FAM181A: variants seen among roughly 807,000 people sequenced by gnomAD.
The protein encoded by FAM181A is family with sequence similarity 181 member A.
Under a neutral mutation model 16.3 loss-of-function variants are expected in FAM181A, and 7 were observed. That is an observed-to-expected ratio of 0.43 (90% CI 0.24 to 0.81). The LOEUF (loss-of-function observed/expected upper bound fraction) is 0.81, where lower values mean the gene tolerates loss of function less well. Ranked by LOEUF, FAM181A falls within the 30% of genes least tolerant of loss-of-function variation. The pLI is 0.24. For missense variants in FAM181A, 349 were observed against 377.5 expected, an observed-to-expected ratio of 0.92 and a Z score of 0.63; for synonymous variants, 183 against 164.9, an observed-to-expected ratio of 1.11 and a Z score of -0.84.
Position 93,928,711 on chromosome 14 carries a change from G to A in FAM181A, c.426G>A (p.Glu142=), listed in dbSNP as rs767456233. ...KRQLPASFWE[E]PRPTHSYHVG... ...AGCTGCCCGCTTCCTTCTGGGAAGAGCCAAGGCCCACCCACAGCTACCATG... is the reference window on the plus strand; with the variant it reads ...AGCTGCCCGCTTCCTTCTGGGAAGAACCAAGGCCCACCCACAGCTACCATG... Residue 142 remains glutamate, a synonymous_variant, in exon 2 of 2, where the codon GAG becomes GAA. Coordinates refer to ENST00000556222, the MANE Select transcript of FAM181A (RefSeq NM_001207073.2). The A allele has an allele frequency of 1.8e-5, 29 of 1,613,890 alleles. No homozygotes were observed. In the African/African-American group the frequency reaches 2.9e-4, roughly 16 times the overall value.
rs138777718 is a variant in FAM181A, at chr14:93,919,999, AAAAG to A, written c.-225+1009_-225+1012del. 3.5e-3 allele frequency among the ~76,000 whole-genome samples: 538 copies of A among 152,164 alleles called. 3 individuals carry two copies. The highest frequency in any genetic ancestry group is 0.013 in the African/African-American group (522 of 41,570). ...AGAAGTCAATGATATTGAAAACAGA[AAAAG>A]AAATAAAAATAAAAAATAAAAAATA... On this transcript the variant is annotated intron_variant, in intron 1 of 2. Transcript: ENST00000267594.
upstream of FAM181A, among the ~76,000 whole-genome samples, chr14:93,924,745 C>A (rs1887839616): frequency 6.6e-6 from 1 of 152,196 alleles, no homozygotes. Context: ...CTCCAGGAGG[C>A]AATGTGGCCA....
Position 93,922,200 on chromosome 14 carries a change from C to T in FAM181A, c.-224-2848C>T, listed in dbSNP as rs1003992767. The T allele has an allele frequency of 3.3e-5, 5 of 152,212 alleles. No individual in the cohort carries two copies. The East Asian group carries it at 7.7e-4, about 23-fold the overall frequency. 9.4% of individuals were successfully genotyped at this position (152,212 alleles called of 1,614,324 possible). A position where few individuals can be genotyped will look rare whatever the true frequency, so the allele number is the denominator to read the frequency against. On this transcript the variant is annotated intron_variant, in intron 1 of 2. Coordinates refer to the FAM181A transcript ENST00000267594. ...TGTGAAAATGTAAAATCTCCTTTAA[C>T]ATTTATTTTTGGCAATTTAAAACAT...
At chr14:93,925,395 T>C, upstream of FAM181A, 1 of 1,604,916 alleles carries the variant, frequency 6.2e-7, no homozygotes, top group South Asian at 1.1e-5. Flanking sequence ...AGATGCCAGC[T>C]GCTGGAGAGG....
Position 93,929,395 on chromosome 14 carries a change from G to A in FAM181A, c.*231G>A, listed in dbSNP as rs1255739504. 8.0e-6 allele frequency: 4 copies of A among 502,640 alleles called. No homozygotes were observed. In the Admixed American group the frequency reaches 1.1e-4, roughly 14 times the overall value. The allele number at this position is 502,640 out of a possible 1,614,324, so 31.1% of individuals were successfully genotyped here. On this transcript the variant is annotated 3_prime_UTR_variant, in exon 2 of 2. Coordinates refer to ENST00000556222, the MANE Select transcript of FAM181A (RefSeq NM_001207073.2). Reference sequence around the variant, plus strand: ...TTGGCCCCTCCCCAGGCAGGCCAGGGCCCAGCAGCTTGTCCCGCTGTCCCT... The same window carrying A: ...TTGGCCCCTCCCCAGGCAGGCCAGGACCCAGCAGCTTGTCCCGCTGTCCCT...
At position 93,928,868 on chromosome 14, in the gene FAM181A, G is replaced by A. The variant is rs766014903; in HGVS notation, c.583G>A (p.Glu195Lys). The A allele has an allele frequency of 2.5e-6, 4 of 1,614,126 alleles. No individual in the cohort carries two copies. The highest frequency in any genetic ancestry group is 2.2e-5 in the East Asian group (1 of 44,878). The change falls in exon 2 of 2, where the codon GAG (glutamate) becomes AAG (lysine). Residue 195 changes from glutamate to lysine, a missense_variant. By Grantham distance (56) the Glu-to-Lys change is moderately conservative. Transcript: ENST00000556222. The part of the protein sequence containing the change: ...SMSPRALAEK[E>K]PLKMPGVSLV... ...GTCTCCAAGGGCCCTGGCTGAAAAG[G>A]AGCCGCTCAAGATGCCTGGGGTCTC...
Position 93,929,173 on chromosome 14 carries a change from A to G in FAM181A, c.*9A>G. ...TCTTTGGCTACCTCTAGCCACGCGG[A>G]GAGGGCCTCAGCCCCCACCTCTGGC... On this transcript the variant is annotated 3_prime_UTR_variant, in exon 2 of 2. Coordinates refer to ENST00000556222, the MANE Select transcript of FAM181A (RefSeq NM_001207073.2). 2 of 1,511,446 alleles carry G rather than the reference A, an allele frequency of 1.3e-6. No individual in the cohort carries two copies. Among genetic ancestry groups the G allele is most frequent in the Non-Finnish European group, 1.8e-6 (2 of 1,133,096 alleles). 93.6% of individuals were successfully genotyped at this position (1,511,446 alleles called of 1,614,324 possible).
chr14:93,929,002 G>C lies in FAM181A; in HGVS notation c.717G>C (p.Leu239=). The change falls in exon 2 of 2, where the codon CTG becomes CTC. Residue 239 remains leucine, a synonymous_variant. Transcript: ENST00000556222. ...GALPQSPVPS[L]GLWRKSPAFP... ...TGCCTCAGAGTCCTGTCCCCAGCCTGGGCCTTTGGAGGAAGAGCCCAGCCT... is the reference window on the plus strand; with the variant it reads ...TGCCTCAGAGTCCTGTCCCCAGCCTCGGCCTTTGGAGGAAGAGCCCAGCCT... 6.2e-7 allele frequency: 1 copy of C among 1,610,640 alleles called. No homozygotes were observed. Among genetic ancestry groups the C allele is most frequent in the South Asian group, 1.1e-5 (1 of 91,038 alleles).
chr14:93,924,740 G>A (rs1887839348), upstream of FAM181A, among the ~76,000 whole-genome samples: 1 of 152,240 alleles, frequency 6.6e-6, no homozygotes, highest in Admixed American at 6.5e-5. Flanking sequence ...GGGAGCTCCA[G>A]GAGGCAATGT....
In FAM181A at chr14:93,929,233, T is replaced by A; in HGVS notation, c.*69T>A. ...TGTCGAGGTCCCCGAGGCGCTCTCC[T>A]GTGAGGAGGTGGCTGGGCCACAGTG... On this transcript the variant is annotated 3_prime_UTR_variant, in exon 2 of 2. Transcript: ENST00000556222. The A allele has an allele frequency of 8.7e-6, 13 of 1,488,134 alleles. No homozygotes were observed. The highest frequency in any genetic ancestry group is 1.2e-5 in the Non-Finnish European group (13 of 1,125,096). The allele number at this position is 1,488,134 out of a possible 1,614,324, so 92.2% of individuals were successfully genotyped here.
upstream of FAM181A, among the ~76,000 whole-genome samples, chr14:93,924,692 T>G (rs1054187134): frequency 1.3e-4 from 20 of 152,186 alleles, no homozygotes; most frequent in African/African-American, 4.8e-4. Flanking sequence ...AATCTGGTCT[T>G]CCTGGCCGGC....
upstream of FAM181A, chr14:93,924,918 T>G: frequency 3.5e-6 from 1 of 288,676 alleles, no homozygotes; most frequent in Non-Finnish European, 6.4e-6. Flanking sequence ...TCAGGTGAGG[T>G]CTTCATGTGG....
chr14:93,924,537 G>A (rs1887832815), upstream of FAM181A, among the ~76,000 whole-genome samples: 2 of 152,346 alleles, frequency 1.3e-5, no homozygotes, highest in South Asian at 2.1e-4. Flanking sequence ...CCCTTGTGTG[G>A]GTCAGAGGCA....
At chr14:93,927,529 G>A in intron 1 of FAM181A, 75 bp downstream of exon 1, 1 of 1,281,604 alleles carries the variant, frequency 7.8e-7, no homozygotes, top group Non-Finnish European at 1.0e-6. Context: ...TGGGGGAGGG[G>A]CGAGGTGCCG....
Position 93,928,260 on chromosome 14 carries a change from A to G in FAM181A, c.-26A>G, listed in dbSNP as rs370714826. 4 of 1,613,648 alleles carry G rather than the reference A, an allele frequency of 2.5e-6. No homozygotes were observed. The highest frequency in any genetic ancestry group is 1.3e-5 in the African/African-American group (1 of 74,894). On this transcript the variant is annotated 5_prime_UTR_variant, in exon 2 of 2. Coordinates refer to ENST00000556222, the MANE Select transcript of FAM181A (RefSeq NM_001207073.2). ...CAGCAGAGCCTACCCTCTTCATGGA[A>G]AGCCTCGTGCAGTGGCCCCCTGGTG...
chr14:93,927,161 T>C (rs1031756875), upstream of FAM181A: 7 of 478,676 alleles, frequency 1.5e-5, no homozygotes, highest in African/African-American at 8.5e-5. Flanking sequence ...CGGGAAATGA[T>C]TGCATTTGGG....
intron 1 of FAM181A, 95 bp from the exon 2 acceptor site, chr14:93,928,104 G>A: frequency 5.9e-6 from 9 of 1,533,510 alleles, no homozygotes; most frequent in African/African-American, 1.4e-5. Context: ...GAGGTGCTGG[G>A]GTGGGGAGAC....
Position 93,929,197 on chromosome 14 carries a change from G to A in FAM181A, c.*33G>A, listed in dbSNP as rs777079475. On this transcript the variant is annotated 3_prime_UTR_variant, in exon 2 of 2. Coordinates refer to ENST00000556222, the MANE Select transcript of FAM181A (RefSeq NM_001207073.2). ...GAGAGGGCCTCAGCCCCCACCTCTGGCCTGCAGGAGTGTCGAGGTCCCCGA... is the reference window on the plus strand; with the variant it reads ...GAGAGGGCCTCAGCCCCCACCTCTGACCTGCAGGAGTGTCGAGGTCCCCGA... 1 of 1,504,978 alleles carries A rather than the reference G, an allele frequency of 6.6e-7. No homozygotes were observed. Among genetic ancestry groups the A allele is most frequent in the Admixed American group, 2.3e-5 (1 of 43,986 alleles). 93.2% of individuals were successfully genotyped at this position (1,504,978 alleles called of 1,614,324 possible). A position where few individuals can be genotyped will look rare whatever the true frequency, so the allele number is the denominator to read the frequency against.
At chr14:93,923,421 T>G (rs1046597224), upstream of FAM181A, 3 of 152,296 alleles carry the variant, frequency 2.0e-5, no homozygotes, top group African/African-American at 7.2e-5. Context: ...AGTCTACACA[T>G]GTGCTGGCTG....
Sources: gnomAD v4.1 joint callset for allele counts (sites outside exome capture counted in the v4.1 genomes callset) on GRCh38, gnomAD v4.1.1 for gene constraint, MANE v1.5 for transcripts, NCBI Gene and HGNC (gene_info 2026-07-23, HGNC 2026-07-21) for gene names.